Variants in RPRD2 observed in about 807,000 individuals in gnomAD.
RPRD2 encodes regulation of nuclear pre-mRNA domain containing 2.
A neutral mutation model predicts 104.4 loss-of-function variants in RPRD2; 12 were observed. The ratio of observed to expected loss-of-function variants is 0.11; its 90% CI spans 0.07 to 0.19. RPRD2 has a LOEUF of 0.19. Among genes scored for constraint, RPRD2 ranks in the 10% least tolerant of loss-of-function variants. RPRD2 has a pLI of 1.00. For synonymous variants in RPRD2, 714 were observed against 684.9 expected, an observed-to-expected ratio of 1.04 and a Z score of -0.66; for missense variants, 1,543 against 1,790.1, an observed-to-expected ratio of 0.86 and a Z score of 2.49.
Position 150,415,695 on chromosome 1 carries a change from A to C in RPRD2, c.206-1901A>C, listed in dbSNP as rs587741817. Among the ~76,000 whole-genome samples, 77 of 152,260 alleles carry C rather than the reference A, an allele frequency of 5.1e-4. 1 individual carries two copies. The highest frequency in any genetic ancestry group is 1.7e-3 in the African/African-American group (70 of 41,560). ...AGACCCTGTCTCCAAATAAACAAAA[A>C]ACACAAAAAAAGAAGCAAGCATAGT... On this transcript the variant is annotated intron_variant, in intron 1 of 10. Coordinates refer to ENST00000369068, the MANE Select transcript of RPRD2 (RefSeq NM_015203.5).
intron 1 of RPRD2, among the ~76,000 whole-genome samples, chr1:150,397,854 C>A (rs1487563965): frequency 6.6e-6 from 1 of 152,050 alleles, no homozygotes; most frequent in Admixed American, 6.6e-5. Context: ...TCAAGCGATT[C>A]TCCTGCCTCA....
At chr1:150,417,165 T>TC (rs1553888737) in intron 1 of RPRD2, among the ~76,000 whole-genome samples, 2 of 127,478 alleles carry the variant, frequency 1.6e-5, no homozygotes, top group Non-Finnish European at 3.8e-5. Context: ...TTGAGCATGT[T>TC]CAACTCATTT....
intron 2 of RPRD2, among the ~76,000 whole-genome samples, chr1:150,439,511 A>G (rs1339584304): frequency 1.3e-5 from 2 of 152,010 alleles, no homozygotes; most frequent in Non-Finnish European, 2.9e-5. Flanking sequence ...GTTTAATACA[A>G]TTTTCTCTGT....
At chr1:150,439,898 G>A (rs1266223991) in intron 2 of RPRD2, among the ~76,000 whole-genome samples, 5 of 151,932 alleles carry the variant, frequency 3.3e-5, no homozygotes, top group Non-Finnish European at 7.4e-5. Flanking sequence ...TTTCACGTAA[G>A]ACATAATTAA....
intron 6 of RPRD2, among the ~76,000 whole-genome samples, chr1:150,444,846 G>C (rs782248900): frequency 6.6e-6 from 1 of 152,178 alleles, no homozygotes; most frequent in Non-Finnish European, 1.5e-5. Flanking sequence ...GAAATAATAA[G>C]TAAATGACTA....
Position 150,475,172 on chromosome 1 carries a change from T to C in RPRD2, c.*1838T>C, listed in dbSNP as rs935578569. The C allele has an allele frequency of 1.3e-5, 2 of 152,076 alleles. No individual in the cohort carries two copies. Among genetic ancestry groups the C allele is most frequent in the Non-Finnish European group, 2.9e-5 (2 of 68,022 alleles). The allele number at this position is 152,076 out of a possible 1,614,324, so 9.4% of individuals were successfully genotyped here. On this transcript the variant is annotated 3_prime_UTR_variant, in exon 11 of 11. Coordinates refer to ENST00000369068, the MANE Select transcript of RPRD2 (RefSeq NM_015203.5). ...ATGACCTTACGTGTGGGATGGGGTA[T>C]GTAGTGTAGCAAAGAAAAGAAAGTA...
chr1:150,373,611 A>C (rs11579341), intron 1 of RPRD2, among the ~76,000 whole-genome samples: 11,941 of 144,864 alleles, frequency 0.082, 636 homozygotes, highest in Non-Finnish European at 0.12. Flanking sequence ...GAAGGCTGTG[A>C]GTGGAGCAGA....
At chr1:150,382,131 T>G (rs1431626134) in intron 1 of RPRD2, among the ~76,000 whole-genome samples, 1 of 152,190 alleles carries the variant, frequency 6.6e-6, no homozygotes, top group Non-Finnish European at 1.5e-5. Flanking sequence ...GCATAAGCTT[T>G]TTAAATTCTT....
intron 1 of RPRD2, among the ~76,000 whole-genome samples, chr1:150,416,472 A>G (rs74124663): frequency 0.12 from 18,180 of 152,124 alleles, 1,538 homozygotes; most frequent in African/African-American, 0.23. Context: ...ATGGTAGATC[A>G]TCCATATAGA....
At chr1:150,377,728 G>A (rs1660827939) in intron 1 of RPRD2, among the ~76,000 whole-genome samples, 1 of 151,920 alleles carries the variant, frequency 6.6e-6, no homozygotes, top group Non-Finnish European at 1.5e-5. Flanking sequence ...TTGGATTGCT[G>A]GATCCTTATT....
At chr1:150,401,134 G>A (rs587608071) in intron 1 of RPRD2, among the ~76,000 whole-genome samples, 63 of 152,070 alleles carry the variant, frequency 4.1e-4, no homozygotes, top group Non-Finnish European at 7.2e-4. Context: ...CCGAGATCAC[G>A]CCACTGCACT....
chr1:150,457,613 T>C, intron 8 of RPRD2, 43 bp downstream of exon 8: 1 of 1,567,182 alleles, frequency 6.4e-7, no homozygotes, highest in African/African-American at 1.4e-5. Context: ...TCCTTATCTG[T>C]TTTGCCTTCT....
At chr1:150,411,174 T>C (rs587627528) in intron 1 of RPRD2, among the ~76,000 whole-genome samples, 1 of 152,110 alleles carries the variant, frequency 6.6e-6, no homozygotes, top group East Asian at 1.9e-4. Context: ...AGTTAAAAAT[T>C]ATAGGCGGGG....
chr1:150,382,504 A>T (rs1661211798), intron 1 of RPRD2, among the ~76,000 whole-genome samples: 1 of 151,810 alleles, frequency 6.6e-6, no homozygotes, highest in African/African-American at 2.4e-5. Flanking sequence ...GATTACAGGC[A>T]CCCATCACCA....
chr1:150,378,084 T>C (rs1660856027), intron 1 of RPRD2, among the ~76,000 whole-genome samples: 1 of 152,152 alleles, frequency 6.6e-6, no homozygotes, highest in Non-Finnish European at 1.5e-5. Context: ...CCAAGTTGCT[T>C]ACAAGTATGT....
chr1:150,408,158 A>ATTTTTTTTT (rs10684924), intron 1 of RPRD2, among the ~76,000 whole-genome samples: 34 of 95,092 alleles, frequency 3.6e-4, no homozygotes, highest in African/African-American at 5.1e-4. Context: ...TATTCATATG[A>ATTTTTTTTT]TTTTTTTTTT....
intron 1 of RPRD2, among the ~76,000 whole-genome samples, chr1:150,366,346 C>T (rs1659841601): frequency 6.6e-6 from 1 of 152,208 alleles, no homozygotes; most frequent in African/African-American, 2.4e-5. Context: ...ATGCTTCGAA[C>T]TATTTGTGTT....
At chr1:150,390,796 T>C (rs1281800049) in intron 1 of RPRD2, among the ~76,000 whole-genome samples, 2 of 152,130 alleles carry the variant, frequency 1.3e-5, no homozygotes, top group African/African-American at 4.8e-5. Context: ...GTCTAACATG[T>C]GTGATTGAAG....
chr1:150,400,225 C>T (rs1662867918), intron 1 of RPRD2, among the ~76,000 whole-genome samples: 1 of 152,240 alleles, frequency 6.6e-6, no homozygotes, highest in Non-Finnish European at 1.5e-5. Context: ...TATCCTGCAA[C>T]CTTACTAAAC....
Sources: allele counts gnomAD v4.1 joint callset (sites outside exome capture counted in the v4.1 genomes callset), GRCh38; gene constraint gnomAD v4.1.1; transcripts MANE v1.5; gene names NCBI Gene and HGNC (gene_info 2026-07-23, HGNC 2026-07-21).